The following DHRS7 variants were observed in gnomAD, a reference collection of about 807,000 sequenced individuals.
DHRS7 encodes the protein dehydrogenase/reductase SDR family member 7.
A neutral mutation model predicts 38.9 loss-of-function variants in DHRS7; 34 were observed. The observed-to-expected ratio is 0.87, with a 90% CI of 0.66 to 1.16. The LOEUF (loss-of-function observed/expected upper bound fraction) is 1.16, where lower values mean the gene tolerates loss of function less well. Among genes scored for constraint, DHRS7 ranks in the 50% most tolerant of loss-of-function variants. The pLI, the probability that DHRS7 is intolerant of heterozygous loss-of-function variation, is 0.00. For missense variants in DHRS7, 421 were observed against 407.0 expected (o/e 1.03, Z -0.30); for synonymous variants, 158 against 153.1 (o/e 1.03, Z -0.24).
intron 1 of DHRS7, among the ~76,000 whole-genome samples, chr14:60,160,798 C>T (rs950558174): frequency 6.6e-6 from 1 of 151,960 alleles, no homozygotes; most frequent in African/African-American, 2.4e-5. Context: ...GCCATGTTGC[C>T]TAGGCTGGTC....
At chr14:60,158,072 A>G (rs1298651485) in intron 1 of DHRS7, among the ~76,000 whole-genome samples, 1 of 151,876 alleles carries the variant, frequency 6.6e-6, no homozygotes, top group African/African-American at 2.4e-5. Flanking sequence ...TTCTCTATGA[A>G]AAATACAAAA....
At chr14:60,155,540 G>C (rs1212638632) in intron 2 of DHRS7, among the ~76,000 whole-genome samples, 1 of 152,150 alleles carries the variant, frequency 6.6e-6, no homozygotes, top group African/African-American at 2.4e-5. Flanking sequence ...ATTACCTCAA[G>C]TTGTATTTTT....
chr14:60,149,922 T>C, intron 5 of DHRS7, 143 bp downstream of exon 5: 1 of 838,374 alleles, frequency 1.2e-6, no homozygotes, highest in Non-Finnish European at 1.8e-6. Context: ...TAAACAATTT[T>C]CATAATGGCA....
upstream of DHRS7, chr14:60,168,665 T>A (rs1236340601): frequency 1.3e-6 from 2 of 1,540,144 alleles, no homozygotes; most frequent in Non-Finnish European, 1.7e-6. Context: ...CTTTTTCCTC[T>A]CCTTCTCTTT....
At chr14:60,164,126 T>C (rs1896818144) in intron 1 of DHRS7, among the ~76,000 whole-genome samples, 1 of 151,930 alleles carries the variant, frequency 6.6e-6, no homozygotes, top group South Asian at 2.1e-4. Flanking sequence ...AGGAATAATA[T>C]TTTCTCGGGT....
rs138656341 is a variant in DHRS7 at position 60,165,183 on chromosome 14, G to T, written c.127C>A (p.Arg43Ser). The change falls in exon 1 of 7, where the codon CGC becomes AGC. Residue 43 changes from arginine to serine, a missense_variant. Transcript: ENST00000557185. The surrounding 1 kb of genome is among the most constrained non-coding windows in gnomAD (Gnocchi z 4.6). ...TLLWAEWQGRRPEWELTDMVV... is the reference protein window; with the variant it reads ...TLLWAEWQGRSPEWELTDMVV... The stretch of plus-strand genomic sequence containing the variant: ...GGCTTTGGCCGGTCCTCACCTGGGC[G>T]TCGTCCCTGCCACTCGGCCCATAGT... The T allele has an allele frequency of 6.2e-7, 1 of 1,611,606 alleles. No individual in the cohort carries two copies. Among genetic ancestry groups the T allele is most frequent in the African/African-American group, 1.3e-5 (1 of 74,920 alleles).
intron 4 of DHRS7, chr14:60,152,713 GCA>G (rs2140596459): frequency 3.5e-6 from 2 of 566,284 alleles, no homozygotes; most frequent in Non-Finnish European, 6.3e-6. Context: ...GTAGTACATG[GCA>G]CAATGCAGTG....
In DHRS7 at chr14:60,163,902, C is replaced by T. The variant is rs564143499; in HGVS notation, c.133+1275G>A. On this transcript the variant is annotated intron_variant, in intron 1 of 6. Coordinates refer to ENST00000557185, the MANE Select transcript of DHRS7 (RefSeq NM_016029.4). The stretch of plus-strand genomic sequence containing the variant: ...ATGGCAGCCAATAGGCACACATATT[C>T]CCCCGCTGAGGTGGAACAATCGATC... 1.2e-4 allele frequency among the ~76,000 whole-genome samples: 18 copies of T among 152,308 alleles called. No individual in the cohort carries two copies. The East Asian group carries it at 3.5e-3, about 29-fold the overall frequency.
At chr14:60,150,988 C>T (rs932414410) in intron 4 of DHRS7, among the ~76,000 whole-genome samples, 4 of 152,134 alleles carry the variant, frequency 2.6e-5, no homozygotes, top group Admixed American at 6.5e-5. Flanking sequence ...ATATGTCCTC[C>T]ACTGAGAATC....
intron 6 of DHRS7, chr14:60,147,715 T>C (rs1896443918): frequency 6.6e-6 from 1 of 152,202 alleles, no homozygotes; most frequent in South Asian, 2.1e-4. Context: ...CTCCATCTTA[T>C]ATTAATAGAT....
chr14:60,158,380 C>G (rs1416418934), intron 1 of DHRS7, among the ~76,000 whole-genome samples: 2 of 151,984 alleles, frequency 1.3e-5, no homozygotes, highest in Non-Finnish European at 2.9e-5. Context: ...TCAAGAACAA[C>G]ATAACATCTA....
In DHRS7 at chr14:60,153,896, G is replaced by A. The variant is rs1306230546; in HGVS notation, c.393+63C>T. The A allele has an allele frequency of 2.6e-5, 38 of 1,463,056 alleles. No individual in the cohort carries two copies. Among genetic ancestry groups the A allele is most frequent in the Admixed American group, 1.7e-4 (10 of 59,546 alleles). The allele number at this position is 1,463,056 out of a possible 1,614,324, so 90.6% of individuals were successfully genotyped here. On this transcript the variant is annotated intron_variant, in intron 3 of 6. Transcript: ENST00000557185. The surrounding 1 kb of genome is among the most constrained non-coding windows in gnomAD (Gnocchi z 4.4). ...AAAGCCCTTTGTATGACAGCACCAC[G>A]GATGGGAATCTCTTCTGCAGTTACT...
intron 1 of DHRS7, chr14:60,158,826 T>TCAGCTC (rs1351916873): frequency 6.4e-6 from 1 of 156,730 alleles, no homozygotes; most frequent in African/African-American, 2.4e-5. Context: ...TCTGAAGGCT[T>TCAGCTC]CAGCTCCTTT....
At chr14:60,152,504 C>T (rs1896565980) in intron 4 of DHRS7, among the ~76,000 whole-genome samples, 1 of 152,050 alleles carries the variant, frequency 6.6e-6, no homozygotes. Flanking sequence ...CTACAAGGGG[C>T]AAGGAAAAGA....
In DHRS7 at chr14:60,165,268, C is replaced by T. The variant is rs754935667; in HGVS notation, c.42G>A (p.Ala14=). The change falls in exon 1 of 7, where the codon GCG becomes GCA. Residue 14 remains alanine, a synonymous_variant. Transcript: ENST00000557185. The surrounding 1 kb of genome is among the most constrained non-coding windows in gnomAD (Gnocchi z 4.6). ...ELLLWLLVLC[A]LLLLLVQLLR... ...GCAGCTGCACCAAGAGCAGGAGCAG[C>T]GCGCACAGCACCAGCAGCCACAGCA... The T allele has an allele frequency of 1.9e-6, 3 of 1,603,232 alleles. No individual in the cohort carries two copies. Among genetic ancestry groups the T allele is most frequent in the Non-Finnish European group, 2.5e-6 (3 of 1,177,188 alleles).
chr14:60,150,037 C>G, intron 5 of DHRS7, 28 bp downstream of exon 5: 2 of 1,592,422 alleles, frequency 1.3e-6, no homozygotes, highest in Non-Finnish European at 1.7e-6. Flanking sequence ...AGTAAACATT[C>G]AAATTATTCC....
intron 6 of DHRS7, chr14:60,147,327 T>A (rs1896433270): frequency 6.6e-6 from 1 of 152,180 alleles, no homozygotes; most frequent in Non-Finnish European, 1.5e-5. Flanking sequence ...TACCGCATGG[T>A]GACTACAGTT....
chr14:60,158,926 C>A, intron 1 of DHRS7: 1 of 235,458 alleles, frequency 4.2e-6, no homozygotes, highest in Non-Finnish European at 8.4e-6. Flanking sequence ...GGGCAGTAAT[C>A]CTGCCTTGTG....
At chr14:60,166,425 G>A (rs75208485), upstream of DHRS7, 1,531 of 206,368 alleles carry the variant, frequency 7.4e-3, 15 homozygotes, top group African/African-American at 0.035. Flanking sequence ...TGATGTCAAA[G>A]GCTCTTCCTT....
Sources: allele counts gnomAD v4.1 joint callset (sites outside exome capture counted in the v4.1 genomes callset), GRCh38; gene constraint gnomAD v4.1.1; non-coding constraint Gnocchi (gnomAD v3.1); transcripts MANE v1.5; gene names NCBI Gene and HGNC (gene_info 2026-07-23, HGNC 2026-07-21).